The following NAALADL2 variants were observed in gnomAD, a reference collection of about 807,000 sequenced individuals.
NAALADL2 encodes the protein inactive N-acetylated-alpha-linked acidic dipeptidase-like protein 2.
NAALADL2 carries 76 observed loss-of-function variants against 87.2 expected under a neutral mutation model. That is an observed-to-expected ratio of 0.87 (90% CI 0.72 to 1.05). The LOEUF (loss-of-function observed/expected upper bound fraction) is 1.05, where lower values mean the gene tolerates loss of function less well. Ranked by LOEUF, NAALADL2 falls within the 50% of genes least tolerant of loss-of-function variation. The pLI is 0.00. For missense variants in NAALADL2, 1,089 were observed against 945.8 expected (o/e 1.15, Z -1.99); for synonymous variants, 354 against 331.0 (o/e 1.07, Z -0.75).
intron 13 of NAALADL2, among the ~76,000 whole-genome samples, chr3:175,783,119 T>C (rs1402767051): frequency 1.3e-5 from 2 of 152,044 alleles, no homozygotes; most frequent in East Asian, 1.9e-4. Context: ...CCTTGTAGTA[T>C]AGTTTGAAGT....
intron 10 of NAALADL2, among the ~76,000 whole-genome samples, chr3:175,610,060 G>A (rs956040827): frequency 1.3e-5 from 2 of 152,032 alleles, no homozygotes; most frequent in African/African-American, 4.8e-5. Flanking sequence ...ATTTAAAATA[G>A]GAAGCTAAAA....
chr3:175,272,169 G>A (rs1398907168), intron 4 of NAALADL2, among the ~76,000 whole-genome samples: 1 of 152,026 alleles, frequency 6.6e-6, no homozygotes, highest in African/African-American at 2.4e-5. Flanking sequence ...GACATCGATG[G>A]ACTAATTCAA....
At chr3:175,485,404 G>A (rs1727108272) in intron 9 of NAALADL2, among the ~76,000 whole-genome samples, 2 of 152,124 alleles carry the variant, frequency 1.3e-5, no homozygotes, top group Admixed American at 6.6e-5. Flanking sequence ...CGATCACAAG[G>A]TATTAGTCCC....
intron 13 of NAALADL2, among the ~76,000 whole-genome samples, chr3:175,791,357 A>G (rs1752754662): frequency 6.6e-6 from 1 of 152,190 alleles, no homozygotes. Flanking sequence ...AGCAGGGCAT[A>G]TGTCTCCCCA....
intron 3 of NAALADL2, among the ~76,000 whole-genome samples, chr3:174,800,751 A>G (rs1479088176): frequency 6.6e-6 from 1 of 152,156 alleles, no homozygotes; most frequent in African/African-American, 2.4e-5. Context: ...CCAGGAGGGG[A>G]GCTATACCCT....
chr3:175,662,440 A>G (rs1005575367), intron 11 of NAALADL2, among the ~76,000 whole-genome samples: 10 of 151,966 alleles, frequency 6.6e-5, no homozygotes, highest in African/African-American at 2.4e-4. Context: ...TCAAACAAGG[A>G]TAATTTGACT....
chr3:175,025,389 T>A (rs1302587742), intron 1 of NAALADL2, among the ~76,000 whole-genome samples: 1 of 152,156 alleles, frequency 6.6e-6, no homozygotes, highest in Non-Finnish European at 1.5e-5. Context: ...TCATGTACAA[T>A]TCCTTTATCT....
chr3:175,283,018 A>C (rs1257293773), intron 4 of NAALADL2, among the ~76,000 whole-genome samples: 1 of 151,934 alleles, frequency 6.6e-6, no homozygotes, highest in African/African-American at 2.4e-5. Flanking sequence ...AGTAACAACA[A>C]GACTTTTAAC....
chr3:175,699,635 T>C (rs1316191212), intron 11 of NAALADL2, among the ~76,000 whole-genome samples: 1 of 152,064 alleles, frequency 6.6e-6, no homozygotes, highest in African/African-American at 2.4e-5. Context: ...ATTGAACAAG[T>C]ATTAATTAAA....
chr3:174,495,414 T>C (rs1718469680), intron 1 of NAALADL2, among the ~76,000 whole-genome samples: 1 of 152,218 alleles, frequency 6.6e-6, no homozygotes, highest in Non-Finnish European at 1.5e-5. Context: ...AAGTATTTAC[T>C]AGGCTCTGTA....
chr3:175,505,327 T>C (rs888808176), intron 9 of NAALADL2, among the ~76,000 whole-genome samples: 5 of 150,820 alleles, frequency 3.3e-5, no homozygotes, highest in African/African-American at 1.2e-4. Flanking sequence ...TGTGTGACAA[T>C]GACTTATGTC....
At chr3:174,612,263 G>A (rs772577703) in intron 2 of NAALADL2, among the ~76,000 whole-genome samples, 2 of 151,904 alleles carry the variant, frequency 1.3e-5, no homozygotes, top group African/African-American at 4.8e-5. Context: ...ATGTCTTGAG[G>A]TATTGTTCTT....
chr3:175,420,188 A>G (rs938308873), intron 5 of NAALADL2, among the ~76,000 whole-genome samples: 10 of 151,974 alleles, frequency 6.6e-5, no homozygotes, highest in African/African-American at 1.7e-4. Context: ...AAAGAGAGAA[A>G]TGTTTCTTTT....
chr3:175,416,259 T>C (rs1408780840), intron 5 of NAALADL2, among the ~76,000 whole-genome samples: 3 of 152,196 alleles, frequency 2.0e-5, no homozygotes, highest in Non-Finnish European at 4.4e-5. Flanking sequence ...AAAAAACATT[T>C]AATGCTCTAT....
intron 9 of NAALADL2, among the ~76,000 whole-genome samples, chr3:175,548,587 G>A (rs189399967): frequency 8.0e-4 from 121 of 152,060 alleles, no homozygotes; most frequent in East Asian, 3.3e-3. Context: ...CACAGATATC[G>A]TTGGAATAGT....
intron 1 of NAALADL2, among the ~76,000 whole-genome samples, chr3:174,860,166 T>G (rs1214319417): frequency 6.6e-6 from 1 of 152,154 alleles, no homozygotes; most frequent in Non-Finnish European, 1.5e-5. Context: ...GCCTAATCAA[T>G]ATTTGTTATA....
chr3:175,126,513 T>C (rs1368685758), intron 2 of NAALADL2, among the ~76,000 whole-genome samples: 1 of 152,116 alleles, frequency 6.6e-6, no homozygotes, highest in Non-Finnish European at 1.5e-5. Flanking sequence ...AATTCAATCT[T>C]AGTTCCAAGA....
At chr3:175,292,106 C>A (rs1194403290) in intron 4 of NAALADL2, among the ~76,000 whole-genome samples, 1 of 152,228 alleles carries the variant, frequency 6.6e-6, no homozygotes, top group Admixed American at 6.5e-5. Context: ...TGCTCTCTCT[C>A]TTCCCCATCT....
At chr3:175,612,255 C>T (rs1460694753) in intron 10 of NAALADL2, among the ~76,000 whole-genome samples, 1 of 152,168 alleles carries the variant, frequency 6.6e-6, no homozygotes, top group African/African-American at 2.4e-5. Flanking sequence ...CAGATTTAAA[C>T]AACCATTCAT....
Sources: allele counts gnomAD v4.1 joint callset (sites outside exome capture counted in the v4.1 genomes callset), GRCh38; gene constraint gnomAD v4.1.1; transcripts MANE v1.5; gene names NCBI Gene and HGNC (gene_info 2026-07-23, HGNC 2026-07-21).